PRAG1: variants seen among roughly 807,000 people sequenced by gnomAD.
PRAG1 encodes the protein PEAK1 related, kinase-activating pseudokinase 1.
In PRAG1, 110 loss-of-function variants were observed where a neutral mutation model predicts 95.6. The ratio of observed to expected loss-of-function variants is 1.15; its 90% CI spans 0.99 to 1.35. The LOEUF (loss-of-function observed/expected upper bound fraction) is 1.35. PRAG1 is among the 40% of genes most tolerant of loss of function. The pLI is 0.00. For missense variants in PRAG1, 2,554 were observed against 1,864.7 expected (o/e 1.37, Z -6.81); for synonymous variants, 1,052 against 819.4 (o/e 1.28, Z -4.85).
In PRAG1 at chr8:8,381,569, A is replaced by G; in HGVS notation, c.179T>C (p.Leu60Pro). 6.2e-7 allele frequency: 1 copy of G among 1,614,156 alleles called. No homozygotes were observed. The highest frequency in any genetic ancestry group is 8.5e-7 in the Non-Finnish European group (1 of 1,179,990). Reference sequence around the variant, plus strand: ...GCGGCAGTTCTCAGGCCTGGGAGGCAGGCGCGGTGGAGGGGGCAGGCTGCC... The same window carrying G: ...GCGGCAGTTCTCAGGCCTGGGAGGCGGGCGCGGTGGAGGGGGCAGGCTGCC... ...RAGSLPPPPR[L>P]PPRPENCRLE... Residue 60 changes from leucine to proline, a missense_variant, in exon 2 of 6, where the codon CTG becomes CCG. Coordinates refer to ENST00000615670, the MANE Select transcript of PRAG1 (RefSeq NM_001080826.3).
At chr8:8,367,762 C>A (rs1800057506) in intron 3 of PRAG1, among the ~76,000 whole-genome samples, 1 of 152,030 alleles carries the variant, frequency 6.6e-6, no homozygotes, top group South Asian at 2.1e-4. Flanking sequence ...CTGCCTCAGC[C>A]TCCCGAATAC....
At chr8:8,364,666 TG>T (rs59108922) in intron 3 of PRAG1, among the ~76,000 whole-genome samples, 3 of 145,592 alleles carry the variant, frequency 2.1e-5, no homozygotes, top group South Asian at 2.1e-4. Flanking sequence ...ATTTCAATGT[TG>T]TTTTTTTTTT....
chr8:8,364,254 T>G (rs775273941), intron 3 of PRAG1, among the ~76,000 whole-genome samples: 1 of 152,204 alleles, frequency 6.6e-6, no homozygotes, highest in South Asian at 2.1e-4. Flanking sequence ...GTTTTATGCT[T>G]CTCTGATTAT....
At chr8:8,326,638 G>A (rs996348205) in intron 5 of PRAG1, among the ~76,000 whole-genome samples, 1 of 152,252 alleles carries the variant, frequency 6.6e-6, no homozygotes, top group Non-Finnish European at 1.5e-5. Flanking sequence ...GTGCAATACA[G>A]TGTGGGTAGC....
At chr8:8,365,746 T>G (rs1207393852) in intron 3 of PRAG1, among the ~76,000 whole-genome samples, 1 of 151,970 alleles carries the variant, frequency 6.6e-6, no homozygotes, top group East Asian at 1.9e-4. Flanking sequence ...GTGGATCACC[T>G]GAGGTCAGGA....
intron 5 of PRAG1, among the ~76,000 whole-genome samples, chr8:8,327,334 C>T (rs1412513029): frequency 6.6e-6 from 1 of 152,086 alleles, no homozygotes; most frequent in East Asian, 1.9e-4. Flanking sequence ...TTTTGGGAGG[C>T]CGAGGTGGGT....
intron 3 of PRAG1, among the ~76,000 whole-genome samples, chr8:8,369,549 G>A (rs1800124033): frequency 1.3e-5 from 2 of 152,084 alleles, no homozygotes; most frequent in South Asian, 2.1e-4. Flanking sequence ...AATAAACACG[G>A]CACTGTCTCT....
chr8:8,318,331 G>A lies in PRAG1; in HGVS notation c.4044C>T (p.Cys1348=), dbSNP rs373606217. 15 of 1,613,998 alleles carry A rather than the reference G, an allele frequency of 9.3e-6. No homozygotes were observed. In the African/African-American group the frequency reaches 1.9e-4, roughly 20 times the overall value. Residue 1348 remains cysteine, a synonymous_variant, in exon 6 of 6, where the codon TGC becomes TGT. Coordinates refer to ENST00000615670, the MANE Select transcript of PRAG1 (RefSeq NM_001080826.3). This position sits in a 1 kb window ranked among gnomAD's most constrained non-coding sequence, Gnocchi z 4.2. ...QQPGTSEEAL[C]GTLHNWIDMK... ...TGTCGATCCAGTTGTGCAGCGTGCC[G>A]CACAGCGCCTCCTCCGAGGTGCCCG...
chr8:8,329,585 G>A (rs1347203292), intron 4 of PRAG1, among the ~76,000 whole-genome samples: 2 of 152,152 alleles, frequency 1.3e-5, no homozygotes, highest in African/African-American at 4.8e-5. Context: ...ACAAGGGGTA[G>A]AAGGCCCCAA....
chr8:8,347,608 C>G (rs978654388), intron 3 of PRAG1, among the ~76,000 whole-genome samples: 1 of 152,108 alleles, frequency 6.6e-6, no homozygotes, highest in African/African-American at 2.4e-5. Context: ...TTATCATATG[C>G]CTGTGTTACC....
At position 8,318,864 on chromosome 8, in the gene PRAG1, C is replaced by CAGGGG. The variant is rs782717703; in HGVS notation, c.3510_3511insCCCCT (p.Ala1171ProfsTer50). The CAGGGG allele has an allele frequency of 1.7e-6, 1 of 595,760 alleles. No homozygotes were observed. The highest frequency in any genetic ancestry group is 2.1e-6 in the Non-Finnish European group (1 of 469,610). 36.9% of individuals were successfully genotyped at this position (595,760 alleles called of 1,614,324 possible). ...GGCGCGGCGGCGGCGGGGGCGGGAGCCGGGGCGGGGGCGGGGGCGGGCCCG... is the reference window on the plus strand; with the variant it reads ...GGCGCGGCGGCGGCGGGGGCGGGAGCAGGGGCGGGGCGGGGGCGGGGGCGGGCCCG... On this transcript the variant is annotated frameshift_variant, in exon 6 of 6. Transcript: ENST00000615670. LOFTEE classifies it high-confidence loss of function. This position sits in a 1 kb window ranked among gnomAD's most constrained non-coding sequence, Gnocchi z 4.2.
chr8:8,361,865 T>C (rs1029400088), intron 3 of PRAG1, among the ~76,000 whole-genome samples: 3 of 152,234 alleles, frequency 2.0e-5, no homozygotes, highest in South Asian at 2.1e-4. Flanking sequence ...TTCATTATCT[T>C]ACCAATCTTT....
chr8:8,336,894 T>TTC (rs1799000905), intron 4 of PRAG1, among the ~76,000 whole-genome samples: 1 of 33,246 alleles, frequency 3.0e-5, no homozygotes, highest in Non-Finnish European at 5.5e-5. Flanking sequence ...CCCACTCCCC[T>TTC]CCCCACACCC....
intron 3 of PRAG1, among the ~76,000 whole-genome samples, chr8:8,343,470 T>A (rs1799236353): frequency 6.6e-6 from 1 of 152,152 alleles, no homozygotes; most frequent in African/African-American, 2.4e-5. Context: ...ACCAGCAGTT[T>A]ATTTTAACAA....
At chr8:8,385,568 G>A (rs544734607) in intron 1 of PRAG1, among the ~76,000 whole-genome samples, 40 of 152,308 alleles carry the variant, frequency 2.6e-4, no homozygotes, top group Admixed American at 7.8e-4. Flanking sequence ...GCCTGACTCC[G>A]CACTGAATGC....
chr8:8,320,452 C>G (rs1798437074), intron 5 of PRAG1, among the ~76,000 whole-genome samples: 1 of 152,156 alleles, frequency 6.6e-6, no homozygotes, highest in Non-Finnish European at 1.5e-5. Flanking sequence ...GGATCTCTAG[C>G]AATCCTAGTC....
At chr8:8,341,355 C>T (rs2976887) in intron 3 of PRAG1, among the ~76,000 whole-genome samples, 50,541 of 152,056 alleles carry the variant, frequency 0.33, 9,129 homozygotes, top group African/African-American at 0.48. Flanking sequence ...CACATACTTA[C>T]TTAAAGTAAC....
intron 4 of PRAG1, 41 bp from the exon 5 acceptor site, chr8:8,328,502 C>T (rs1563228902): frequency 1.9e-6 from 3 of 1,597,486 alleles, no homozygotes; most frequent in Non-Finnish European, 1.7e-6. Context: ...AAGGCCAGTG[C>T]CACTCAATTC....
chr8:8,379,912 G>A (rs937307801), intron 2 of PRAG1, among the ~76,000 whole-genome samples: 4 of 152,114 alleles, frequency 2.6e-5, no homozygotes, highest in Non-Finnish European at 4.4e-5. Context: ...GTACTGGCTG[G>A]GTATTAGATA....
Sources: gnomAD v4.1 joint callset for allele counts (sites outside exome capture counted in the v4.1 genomes callset) on GRCh38, gnomAD v4.1.1 for gene constraint, Gnocchi (gnomAD v3.1) non-coding constraint, MANE v1.5 for transcripts, NCBI Gene and HGNC (gene_info 2026-07-23, HGNC 2026-07-21) for gene names.